The following DOCK8 variants were observed in gnomAD, a reference collection of about 807,000 sequenced individuals.
DOCK8 encodes dedicator of cytokinesis 8.
In DOCK8, 141 loss-of-function variants were observed where a neutral mutation model predicts 245.6. The ratio of observed to expected loss-of-function variants is 0.57; its 90% CI spans 0.50 to 0.66. DOCK8 has a LOEUF of 0.66. Among genes scored for constraint, DOCK8 ranks in the 30% least tolerant of loss-of-function variants. The probability of loss-of-function intolerance (pLI) is 0.00; values close to 1 mark genes in which losing one functional copy is unlikely to be tolerated. For synonymous variants in DOCK8, 1,168 were observed against 970.2 expected, an observed-to-expected ratio of 1.20 and a Z score of -3.79; for missense variants, 2,965 against 2,603.4, an observed-to-expected ratio of 1.14 and a Z score of -3.02.
chr9:382,548 C>G lies in DOCK8; in HGVS notation c.2641C>G (p.His881Asp), dbSNP rs763578608. Residue 881 changes from histidine (H) to aspartate (D), a missense_variant, in exon 22 of 48, where the codon CAC becomes GAC. His to Asp is a moderately conservative substitution (Grantham distance 81). This residue lies in a region of DOCK8 where 2,825 missense variants were observed against 2,453.5 expected (regional missense o/e 1.15). Transcript: ENST00000432829. ...TGCCCTCCTAGACCCTCGGAGCTAC[C>G]ACACGTATGGCCGCACATCAGCTGC... is the stretch of plus-strand genomic sequence containing the variant. ...PTALLDPRSY[H>D]TYGRTSAAAV... The G allele has an allele frequency of 1.2e-6, 2 of 1,614,042 alleles. No homozygotes were observed. Among genetic ancestry groups the G allele is most frequent in the Non-Finnish European group, 1.7e-6 (2 of 1,179,942 alleles).
chr9:409,720 G>A lies in DOCK8; in HGVS notation c.3530+2651G>A, dbSNP rs150466370. On this transcript the variant is annotated intron_variant, in intron 28 of 47. Coordinates refer to ENST00000432829, the MANE Select transcript of DOCK8 (RefSeq NM_203447.4). ...TACATTAGGTATATCTCCTAATGCT[G>A]TCCCTCCCCACTCCCCCCACCCCAT... Among the ~76,000 whole-genome samples the A allele has an allele frequency of 7.8e-3, 1,181 of 151,884 alleles. 16 individuals carry two copies. Among genetic ancestry groups the A allele is most frequent in the African/African-American group, 0.027 (1,130 of 41,354 alleles).
intron 46 of DOCK8, among the ~76,000 whole-genome samples, chr9:454,765 T>C (rs915530788): frequency 6.6e-6 from 1 of 152,200 alleles, no homozygotes; most frequent in African/African-American, 2.4e-5. Context: ...ATCCAGTATC[T>C]CACGGGTATG....
chr9:443,494 A>T lies in DOCK8; in HGVS notation c.5558A>T (p.Lys1853Ile). 3.7e-6 allele frequency: 6 copies of T among 1,614,042 alleles called. No individual in the cohort carries two copies. Among genetic ancestry groups the T allele is most frequent in the Non-Finnish European group, 5.1e-6 (6 of 1,179,960 alleles). ...EVIKDSTPVD[K>I]TKLDPNKAYI... ...ATTAAAGACTCCACTCCTGTGGACA[A>T]AACCAAGTTGGATCCTAACAAGGTA... The change falls in exon 43 of 48, where the codon AAA becomes ATA. Residue 1853 changes from lysine to isoleucine, a missense_variant. Physicochemically the swap from Lys to Ile is moderately radical, Grantham distance 102 (BLOSUM62 -3). Around this residue, in one of 3 missense-constraint regions of DOCK8, gnomAD observed 2,825 missense variants for 2,453.5 expected, o/e 1.15. Transcript: ENST00000432829.
chr9:400,817 ACCT>A (rs1249326667), intron 26 of DOCK8, among the ~76,000 whole-genome samples: 4 of 41,840 alleles, frequency 9.6e-5, no homozygotes, highest in Non-Finnish European at 8.5e-5. Flanking sequence ...CATCACCACC[ACCT>A]CCACCATCAC....
At chr9:375,375 G>C (rs2053473897) in intron 18 of DOCK8, among the ~76,000 whole-genome samples, 1 of 152,182 alleles carries the variant, frequency 6.6e-6, no homozygotes, top group South Asian at 2.1e-4. Flanking sequence ...ACGTATAAAA[G>C]AGTCACTTTG....
At chr9:367,357 C>T (rs775129433) in intron 14 of DOCK8, among the ~76,000 whole-genome samples, 3 of 152,190 alleles carry the variant, frequency 2.0e-5, no homozygotes, top group Admixed American at 6.5e-5. Context: ...AGAGAAAAAT[C>T]CCTGTCCTTG....
intron 18 of DOCK8, among the ~76,000 whole-genome samples, chr9:373,150 G>A (rs1264366790): frequency 2.0e-5 from 3 of 152,156 alleles, no homozygotes; most frequent in African/African-American, 4.8e-5. Context: ...CTGGGTGACA[G>A]AGTGAGACTC....
intron 45 of DOCK8, among the ~76,000 whole-genome samples, chr9:451,612 G>A (rs1016065792): frequency 3.9e-5 from 6 of 152,038 alleles, no homozygotes; most frequent in African/African-American, 1.2e-4. Context: ...GATAGAGCGA[G>A]ACCCTGTCTA....
intron 1 of DOCK8, among the ~76,000 whole-genome samples, chr9:269,417 A>G (rs2048106266): frequency 1.3e-5 from 2 of 152,124 alleles, no homozygotes; most frequent in South Asian, 4.1e-4. Context: ...GTAATTTTCC[A>G]TTGTGTGGAT....
chr9:244,616 C>A (rs926464276), intron 1 of DOCK8, among the ~76,000 whole-genome samples: 1 of 152,186 alleles, frequency 6.6e-6, no homozygotes. Flanking sequence ...AGATCCCATA[C>A]AACACCTATC....
At chr9:246,459 G>C (rs1443003267) in intron 1 of DOCK8, among the ~76,000 whole-genome samples, 1 of 152,156 alleles carries the variant, frequency 6.6e-6, no homozygotes, top group Non-Finnish European at 1.5e-5. Context: ...AAACTGCAGT[G>C]AGCTAAGATC....
At chr9:328,386 C>A (rs527769447) in intron 9 of DOCK8, among the ~76,000 whole-genome samples, 4 of 152,314 alleles carry the variant, frequency 2.6e-5, no homozygotes, top group Admixed American at 2.0e-4. Context: ...AGGTTTGAGT[C>A]CTGGCTTTAC....
intron 4 of DOCK8, among the ~76,000 whole-genome samples, chr9:300,504 G>A (rs1182840910): frequency 6.7e-6 from 1 of 150,236 alleles, no homozygotes; most frequent in Non-Finnish European, 1.5e-5. Flanking sequence ...AATCAGAGCT[G>A]AAAAAAATTA....
chr9:389,608 C>T (rs1434630726), intron 23 of DOCK8, among the ~76,000 whole-genome samples: 1 of 152,164 alleles, frequency 6.6e-6, no homozygotes, highest in Non-Finnish European at 1.5e-5. Flanking sequence ...GCAGCAGCAG[C>T]AGCAGCAGCA....
chr9:424,251 C>T (rs892361077), intron 33 of DOCK8, among the ~76,000 whole-genome samples: 1 of 152,054 alleles, frequency 6.6e-6, no homozygotes, highest in Non-Finnish European at 1.5e-5. Context: ...ACCTGGGGAG[C>T]TTTAAAACCT....
In DOCK8 at chr9:218,490, A is replaced by G. The variant is rs368749247; in HGVS notation, c.53+3461A>G. On this transcript the variant is annotated intron_variant, in intron 1 of 47. Coordinates refer to ENST00000432829, the MANE Select transcript of DOCK8 (RefSeq NM_203447.4). ...GCGTGCCAAGGAAAGACTAGATCTAAGTTAGGCAGTTCGTAATAACATTTG... is the reference window on the plus strand; with the variant it reads ...GCGTGCCAAGGAAAGACTAGATCTAGGTTAGGCAGTTCGTAATAACATTTG... 4.6e-5 allele frequency among the ~76,000 whole-genome samples: 7 copies of G among 152,278 alleles called. No homozygotes were observed. In the East Asian group the frequency reaches 9.6e-4, roughly 21 times the overall value.
intron 46 of DOCK8, among the ~76,000 whole-genome samples, chr9:459,009 A>T (rs182712288): frequency 1.2e-4 from 18 of 152,338 alleles, no homozygotes; most frequent in Admixed American, 1.2e-3. Flanking sequence ...TGACTGCTAG[A>T]AAACCCCAGG....
At chr9:222,078 A>G in intron 1 of DOCK8, among the ~76,000 whole-genome samples, 1 of 151,986 alleles carries the variant, frequency 6.6e-6, no homozygotes. Context: ...TGAGCAACAT[A>G]GTGAGACACC....
At chr9:462,669 G>A (rs1296230919) in intron 46 of DOCK8, among the ~76,000 whole-genome samples, 1 of 152,188 alleles carries the variant, frequency 6.6e-6, no homozygotes, top group East Asian at 1.9e-4. Context: ...GATCATTCTA[G>A]CTTTGATTTT....
Sources: gnomAD v4.1 joint callset for allele counts (sites outside exome capture counted in the v4.1 genomes callset) on GRCh38, gnomAD v4.1.1 for gene constraint, gnomAD v4.1.1 regional missense constraint, MANE v1.5 for transcripts, NCBI Gene and HGNC (gene_info 2026-07-23, HGNC 2026-07-21) for gene names.